The following PPM1E variants were observed in gnomAD, a reference collection of about 807,000 sequenced individuals.
The protein encoded by PPM1E is protein phosphatase 1E.
PPM1E carries 20 observed loss-of-function variants against 65.9 expected under a neutral mutation model. The observed-to-expected ratio is 0.30, with a 90% CI of 0.21 to 0.44. The LOEUF is 0.44. PPM1E is among the 20% of genes least tolerant of loss of function. The pLI, the probability that PPM1E is intolerant of heterozygous loss-of-function variation, is 1.00. For synonymous variants in PPM1E, 352 were observed against 374.9 expected, an observed-to-expected ratio of 0.94 and a Z score of 0.70; for missense variants, 713 against 953.1, an observed-to-expected ratio of 0.75 and a Z score of 3.32.
intron 1 of PPM1E, among the ~76,000 whole-genome samples, chr17:58,943,853 G>T (rs896155578): frequency 8.5e-5 from 13 of 152,088 alleles, no homozygotes; most frequent in African/African-American, 1.7e-4. Context: ...GAGGGCAGGG[G>T]TTTTTTCTTT....
chr17:58,900,618 A>T (rs2051487440), intron 1 of PPM1E, among the ~76,000 whole-genome samples: 1 of 152,140 alleles, frequency 6.6e-6, no homozygotes, highest in African/African-American at 2.4e-5. Flanking sequence ...CAATATTTTT[A>T]TTTTGCAATA....
intron 1 of PPM1E, among the ~76,000 whole-genome samples, chr17:58,783,794 T>C (rs1202028340): frequency 6.6e-6 from 1 of 151,244 alleles, no homozygotes; most frequent in Non-Finnish European, 1.5e-5. Context: ...TGCAACCTCC[T>C]ACCCCCAGGT....
At chr17:58,956,337 G>A (rs2029875616) in intron 2 of PPM1E, among the ~76,000 whole-genome samples, 1 of 151,948 alleles carries the variant, frequency 6.6e-6, no homozygotes, top group Admixed American at 6.6e-5. Flanking sequence ...TCGGGAGGCT[G>A]AGGCAAGTGA....
intron 1 of PPM1E, among the ~76,000 whole-genome samples, chr17:58,883,656 T>G (rs574129887): frequency 6.6e-6 from 1 of 151,742 alleles, no homozygotes; most frequent in South Asian, 2.1e-4. Context: ...GCTAATTTTT[T>G]TGTGTTTTTT....
At chr17:58,929,531 T>G (rs2051866018) in intron 1 of PPM1E, among the ~76,000 whole-genome samples, 1 of 152,220 alleles carries the variant, frequency 6.6e-6, no homozygotes, top group Admixed American at 6.5e-5. Flanking sequence ...TGTAGGGTGC[T>G]TTAATATGCA....
At chr17:58,793,251 CAT>C in intron 1 of PPM1E, among the ~76,000 whole-genome samples, 1 of 151,978 alleles carries the variant, frequency 6.6e-6, no homozygotes, top group African/African-American at 2.4e-5. Flanking sequence ...GTCTCTACTA[CAT>C]GTATATGTAA....
chr17:58,825,212 TCACACACACACTCA>T (rs2143152263), intron 1 of PPM1E, among the ~76,000 whole-genome samples: 1 of 124,820 alleles, frequency 8.0e-6, no homozygotes, highest in East Asian at 2.5e-4. Flanking sequence ...CTATTGATTC[TCACACACACACTCA>T]CACACACACA....
intron 1 of PPM1E, among the ~76,000 whole-genome samples, chr17:58,937,619 G>A (rs1252183337): frequency 6.8e-6 from 1 of 147,394 alleles, no homozygotes; most frequent in African/African-American, 2.5e-5. Context: ...GCTCACGCCT[G>A]TAATCCCAGC....
intron 1 of PPM1E, among the ~76,000 whole-genome samples, chr17:58,821,527 A>G (rs1157102992): frequency 6.6e-6 from 1 of 152,164 alleles, no homozygotes; most frequent in African/African-American, 2.4e-5. Context: ...AATAGGCGCC[A>G]CTCAGAGATC....
chr17:58,890,240 A>T (rs2143427106), intron 1 of PPM1E, among the ~76,000 whole-genome samples: 1 of 152,328 alleles, frequency 6.6e-6, no homozygotes, highest in East Asian at 1.9e-4. Context: ...CAAGGCCAAG[A>T]GTTAAGATTA....
intron 1 of PPM1E, among the ~76,000 whole-genome samples, chr17:58,896,414 G>T: frequency 6.6e-6 from 1 of 151,786 alleles, no homozygotes; most frequent in East Asian, 2.0e-4. Context: ...GTAAAACCCC[G>T]TCTCTACTGA....
chr17:58,800,896 A>AT (rs1038892471), intron 1 of PPM1E, among the ~76,000 whole-genome samples: 2 of 151,778 alleles, frequency 1.3e-5, no homozygotes, highest in African/African-American at 2.4e-5. Context: ...GGCTTTATTA[A>AT]TTTTTTCTGT....
chr17:58,763,043 T>G (rs988041487), intron 1 of PPM1E, among the ~76,000 whole-genome samples: 3 of 152,178 alleles, frequency 2.0e-5, no homozygotes, highest in Non-Finnish European at 4.4e-5. Context: ...CTATGATTTA[T>G]CCAATCTCCT....
chr17:58,789,906 C>T (rs1262974631), intron 1 of PPM1E, among the ~76,000 whole-genome samples: 2 of 152,174 alleles, frequency 1.3e-5, no homozygotes, highest in South Asian at 4.1e-4. Context: ...TTGGTTGTCT[C>T]ATTCTGCCAC....
rs71145508 is a variant in PPM1E, at chr17:58,953,746, C to CTTT, written c.465-1888_465-1886dup. 1.1e-3 allele frequency among the ~76,000 whole-genome samples: 147 copies of CTTT among 138,166 alleles called. 1 individual carries two copies. The highest frequency in any genetic ancestry group is 3.1e-3 in the African/African-American group (116 of 37,070). The allele number at this position is 138,166 out of a possible 152,430, so 90.6% of individuals were successfully genotyped here. ...ACTAGGACATCTCAGATATTTCCAT[C>CTTT]TTTTTTTTTTTTTTTTTGAGACAGA... On this transcript the variant is annotated intron_variant, in intron 1 of 6. Transcript: ENST00000308249.
At chr17:58,772,302 A>G (rs1395205376) in intron 1 of PPM1E, among the ~76,000 whole-genome samples, 6 of 152,200 alleles carry the variant, frequency 3.9e-5, no homozygotes, top group Middle Eastern at 3.4e-3. Flanking sequence ...CTAAAAATAC[A>G]AAAATTAGCC....
intron 1 of PPM1E, among the ~76,000 whole-genome samples, chr17:58,803,307 G>C (rs145506200): frequency 6.6e-6 from 1 of 152,012 alleles, no homozygotes; most frequent in South Asian, 2.1e-4. Flanking sequence ...ATTTTGTTGA[G>C]TATTTTTCCT....
At chr17:58,971,730 G>A (rs974570793) in intron 4 of PPM1E, among the ~76,000 whole-genome samples, 15 of 152,152 alleles carry the variant, frequency 9.9e-5, no homozygotes, top group African/African-American at 3.4e-4. Context: ...GTAATGAAAT[G>A]GAGAGCAGAA....
chr17:58,909,876 T>A (rs2051602806), intron 1 of PPM1E, among the ~76,000 whole-genome samples: 1 of 151,630 alleles, frequency 6.6e-6, no homozygotes, highest in African/African-American at 2.4e-5. Context: ...CTTGGGGAAA[T>A]TCTTAGTCAT....
Sources: gnomAD v4.1 joint callset for allele counts (sites outside exome capture counted in the v4.1 genomes callset) on GRCh38, gnomAD v4.1.1 for gene constraint, MANE v1.5 for transcripts, NCBI Gene and HGNC (gene_info 2026-07-23, HGNC 2026-07-21) for gene names.